Variants in TRPC7 observed in about 807,000 individuals in gnomAD.
The protein encoded by TRPC7 is transient receptor potential cation channel subfamily C member 7, also known as short transient receptor potential channel 7.
TRPC7 carries 42 observed loss-of-function variants against 90.1 expected under a neutral mutation model. The observed-to-expected ratio is 0.47, with a 90% CI of 0.36 to 0.60. The LOEUF (loss-of-function observed/expected upper bound fraction) is 0.60, where lower values mean the gene tolerates loss of function less well. Among genes scored for constraint, TRPC7 ranks in the 20% least tolerant of loss-of-function variants. TRPC7 has a pLI of 0.00. For synonymous variants in TRPC7, 451 were observed against 436.3 expected (o/e 1.03, Z -0.42); for missense variants, 955 against 1,112.3 (o/e 0.86, Z 2.01).
At chr5:136,270,444 G>A (rs1403999308) in intron 4 of TRPC7, among the ~76,000 whole-genome samples, 2 of 152,168 alleles carry the variant, frequency 1.3e-5, no homozygotes, top group Non-Finnish European at 2.9e-5. Context: ...GCACTGGAGG[G>A]TCTCAGGGCA....
intron 1 of TRPC7, among the ~76,000 whole-genome samples, chr5:136,362,046 T>A (rs1250572988): frequency 2.0e-5 from 3 of 152,174 alleles, no homozygotes; most frequent in Admixed American, 2.0e-4. Flanking sequence ...ACACAATTAT[T>A]AGAATTGTCT....
At chr5:136,248,376 T>C (rs561684019) in intron 6 of TRPC7, among the ~76,000 whole-genome samples, 2 of 152,242 alleles carry the variant, frequency 1.3e-5, no homozygotes, top group Admixed American at 6.5e-5. Flanking sequence ...AAATCATACA[T>C]GTAAAGTGCT....
chr5:136,279,447 G>C (rs533499610), intron 3 of TRPC7, among the ~76,000 whole-genome samples: 2 of 152,184 alleles, frequency 1.3e-5, no homozygotes, highest in African/African-American at 4.8e-5. Flanking sequence ...GAGCTGTGGC[G>C]GGGCTTTCTG....
intron 3 of TRPC7, among the ~76,000 whole-genome samples, chr5:136,282,707 A>G (rs1757584766): frequency 1.3e-5 from 2 of 152,236 alleles, no homozygotes; most frequent in Non-Finnish European, 2.9e-5. Flanking sequence ...GGGCATAGTC[A>G]TTGATTCAAT....
At position 136,279,070 on chromosome 5, in the gene TRPC7, G is replaced by A. The variant is rs553102369; in HGVS notation, c.964-4233C>T. On this transcript the variant is annotated intron_variant, in intron 3 of 11. Transcript: ENST00000513104. ...CTCTCTGCAGGCTCTTCATTCCCAC[G>A]GATATTCAATATCAACTCTTACGTT... Among the ~76,000 whole-genome samples, 6 of 152,128 alleles carry A rather than the reference G, an allele frequency of 3.9e-5. No homozygotes were observed. The East Asian group carries it at 5.8e-4, about 15-fold the overall frequency.
intron 3 of TRPC7, among the ~76,000 whole-genome samples, chr5:136,300,084 T>C (rs1333279953): frequency 6.6e-6 from 1 of 152,142 alleles, no homozygotes; most frequent in Non-Finnish European, 1.5e-5. Flanking sequence ...ATGCAACTAC[T>C]TAGGTATTGA....
rs76924119 is a variant in TRPC7 at position 136,287,539 on chromosome 5, T to C, written c.964-12702A>G. Among the ~76,000 whole-genome samples the C allele has an allele frequency of 3.4e-3, 517 of 151,906 alleles. 6 individuals carry two copies. The highest frequency in any genetic ancestry group is 4.0e-3 in the Non-Finnish European group (273 of 67,920). On this transcript the variant is annotated intron_variant, in intron 3 of 11. Transcript: ENST00000513104. The stretch of plus-strand genomic sequence containing the variant: ...GATTGATCAAATGACAAGGGTCTTC[T>C]TTGTGGAAATCCTGAAGAGGGCCCT...
rs185128683 is a variant in TRPC7, at chr5:136,218,135, A to G, written c.2344-1860T>C. 4.1e-3 allele frequency among the ~76,000 whole-genome samples: 598 copies of G among 146,484 alleles called. 10 individuals are homozygous for G. The highest frequency in any genetic ancestry group is 0.014 in the African/African-American group (584 of 40,568). On this transcript the variant is annotated intron_variant, in intron 10 of 11. Coordinates refer to ENST00000513104, the MANE Select transcript of TRPC7 (RefSeq NM_020389.3). ...GAGATATATTATATATAAAATATATAATATATATTTGAGATATATATAAAA... is the reference window on the plus strand; with the variant it reads ...GAGATATATTATATATAAAATATATGATATATATTTGAGATATATATAAAA...
chr5:136,362,591 A>G (rs1221429174), intron 1 of TRPC7, among the ~76,000 whole-genome samples: 1 of 152,160 alleles, frequency 6.6e-6, no homozygotes, highest in Non-Finnish European at 1.5e-5. Flanking sequence ...ATTCCCATTT[A>G]ACAGATGATG....
intron 5 of TRPC7, among the ~76,000 whole-genome samples, chr5:136,254,678 A>G (rs1756635363): frequency 6.6e-6 from 1 of 152,264 alleles, no homozygotes; most frequent in African/African-American, 2.4e-5. Context: ...TTAACATAGT[A>G]TCCATTTTGC....
chr5:136,225,891 G>T, intron 9 of TRPC7, 143 bp downstream of exon 9: 1 of 666,096 alleles, frequency 1.5e-6, no homozygotes, highest in Non-Finnish European at 2.6e-6. Context: ...TGTCCAGGTA[G>T]ACTCTACAGA....
rs147400808 is a variant in TRPC7 at position 136,271,454 on chromosome 5, T to C, written c.1128+3219A>G. ...GATGACTGTTATTTATTCTTTTGGC[T>C]CTGAGATCTTAACAGGCAAACAATC... On this transcript the variant is annotated intron_variant, in intron 4 of 11. Coordinates refer to ENST00000513104, the MANE Select transcript of TRPC7 (RefSeq NM_020389.3). Among the ~76,000 whole-genome samples the C allele has an allele frequency of 5.2e-3, 789 of 152,326 alleles. 8 individuals are homozygous for C. The highest frequency in any genetic ancestry group is 0.017 in the African/African-American group (716 of 41,574).
intron 2 of TRPC7, among the ~76,000 whole-genome samples, chr5:136,320,710 C>T (rs1463294576): frequency 6.6e-6 from 1 of 152,180 alleles, no homozygotes; most frequent in African/African-American, 2.4e-5. Flanking sequence ...CACTCTGGTG[C>T]CCCTGCTATT....
At chr5:136,299,118 G>A (rs751535489) in intron 3 of TRPC7, among the ~76,000 whole-genome samples, 5 of 151,982 alleles carry the variant, frequency 3.3e-5, no homozygotes, top group East Asian at 1.9e-4. Context: ...CCTCACCAAC[G>A]TGGAGAAACC....
At chr5:136,307,505 C>T (rs1758677246) in intron 3 of TRPC7, among the ~76,000 whole-genome samples, 1 of 152,250 alleles carries the variant, frequency 6.6e-6, no homozygotes, top group South Asian at 2.1e-4. Context: ...AGCAATACAA[C>T]ACATCCTTGG....
intron 8 of TRPC7, among the ~76,000 whole-genome samples, chr5:136,228,106 A>T (rs1279519599): frequency 6.6e-6 from 1 of 152,170 alleles, no homozygotes; most frequent in Non-Finnish European, 1.5e-5. Flanking sequence ...GGCCCACAAG[A>T]GTACAGGGTT....
intron 2 of TRPC7, among the ~76,000 whole-genome samples, chr5:136,322,839 T>C (rs1759238687): frequency 6.6e-6 from 1 of 152,234 alleles, no homozygotes; most frequent in Non-Finnish European, 1.5e-5. Flanking sequence ...TTTAAGTTGT[T>C]GAGTTTTGAG....
At chr5:136,226,951 C>T (rs371926663) in intron 8 of TRPC7, among the ~76,000 whole-genome samples, 18 of 152,264 alleles carry the variant, frequency 1.2e-4, no homozygotes, top group African/African-American at 3.6e-4. Context: ...GCTTGATAGG[C>T]GTATGTGGTT....
rs575001689 is a variant in TRPC7 at position 136,218,923 on chromosome 5, T to G, written c.2344-2648A>C. Among the ~76,000 whole-genome samples, 9 of 152,306 alleles carry G rather than the reference T, an allele frequency of 5.9e-5. No homozygotes were observed. The East Asian group carries it at 1.7e-3, about 29-fold the overall frequency. On this transcript the variant is annotated intron_variant, in intron 10 of 11. Coordinates refer to ENST00000513104, the MANE Select transcript of TRPC7 (RefSeq NM_020389.3). ...GAGGACACTGAGGCTCAGAGACTGA[T>G]GTAACTTCTCCAAGGTCACACAGCT...
Sources: allele counts gnomAD v4.1 joint callset (sites outside exome capture counted in the v4.1 genomes callset), GRCh38; gene constraint gnomAD v4.1.1; transcripts MANE v1.5; gene names NCBI Gene and HGNC (gene_info 2026-07-23, HGNC 2026-07-21).